The following KIRREL3 variants were observed in gnomAD, a reference collection of about 807,000 sequenced individuals.
KIRREL3 encodes the protein kirre like nephrin family adhesion molecule 3, also known as kin of IRRE-like protein 3.
KIRREL3 carries 36 observed loss-of-function variants against 89.7 expected under a neutral mutation model. That is an observed-to-expected ratio of 0.40 (90% CI 0.31 to 0.53). KIRREL3 has a LOEUF of 0.53. KIRREL3 is among the 20% of genes least tolerant of loss of function. KIRREL3 has a pLI of 0.49. For synonymous variants in KIRREL3, 445 were observed against 441.4 expected, an observed-to-expected ratio of 1.01 and a Z score of -0.10; for missense variants, 864 against 1,056.6, an observed-to-expected ratio of 0.82 and a Z score of 2.53.
At chr11:126,698,504 G>A (rs1947187009) in intron 1 of KIRREL3, among the ~76,000 whole-genome samples, 1 of 152,234 alleles carries the variant, frequency 6.6e-6, no homozygotes, top group Non-Finnish European at 1.5e-5. Context: ...CAGGTCAGGG[G>A]CTGCAGGGAG....
intron 1 of KIRREL3, among the ~76,000 whole-genome samples, chr11:126,631,714 G>A (rs998914218): frequency 6.6e-6 from 1 of 152,182 alleles, no homozygotes; most frequent in Admixed American, 6.5e-5. Context: ...GCACTTTGTA[G>A]CTTTCAAAGC....
chr11:126,684,972 C>T lies in KIRREL3; in HGVS notation c.56-122060G>A, dbSNP rs916085092. 1.3e-5 allele frequency among the ~76,000 whole-genome samples: 2 copies of T among 152,144 alleles called. No homozygotes were observed. Among genetic ancestry groups the T allele is most frequent in the African/African-American group, 4.8e-5 (2 of 41,422 alleles). On this transcript the variant is annotated intron_variant, in intron 1 of 16. Coordinates refer to ENST00000525144, the MANE Select transcript of KIRREL3 (RefSeq NM_032531.4). The surrounding 1 kb of genome is among the most constrained non-coding windows in gnomAD (Gnocchi z 4.2). ...TCCTCTTCTCTCTTCCTCTCTCCCT[C>T]ATTTCTGGCTTCCCTCTTTTTCTCC...
intron 2 of KIRREL3, among the ~76,000 whole-genome samples, chr11:126,548,868 A>G (rs1939029499): frequency 6.6e-6 from 1 of 152,202 alleles, no homozygotes; most frequent in East Asian, 1.9e-4. Context: ...GCAACGAGAT[A>G]GAATACCTGC....
At chr11:126,721,077 G>A (rs1439185267) in intron 1 of KIRREL3, among the ~76,000 whole-genome samples, 1 of 152,252 alleles carries the variant, frequency 6.6e-6, no homozygotes, top group Non-Finnish European at 1.5e-5. Context: ...GAGAGCCAAA[G>A]TGTTTTCTGA....
chr11:126,910,937 T>G (rs1484554336), intron 1 of KIRREL3, among the ~76,000 whole-genome samples: 1 of 152,208 alleles, frequency 6.6e-6, no homozygotes, highest in Non-Finnish European at 1.5e-5. Flanking sequence ...TGAGCAAGAC[T>G]GAAAGACAGA....
intron 1 of KIRREL3, among the ~76,000 whole-genome samples, chr11:126,895,083 A>G (rs1946095463): frequency 6.6e-6 from 1 of 152,098 alleles, no homozygotes; most frequent in African/African-American, 2.4e-5. Context: ...AGGCACAGAG[A>G]TTCTTGGTTC....
chr11:126,849,314 CCTT>C (rs1203786866), intron 1 of KIRREL3, among the ~76,000 whole-genome samples: 1 of 152,152 alleles, frequency 6.6e-6, no homozygotes, highest in East Asian at 1.9e-4. Flanking sequence ...ATAATCCACC[CCTT>C]GTTTAGCACA....
intron 1 of KIRREL3, among the ~76,000 whole-genome samples, chr11:126,961,755 A>G: frequency 6.6e-6 from 1 of 152,258 alleles, no homozygotes; most frequent in East Asian, 1.9e-4. Context: ...GGCACCATCT[A>G]GGTCTCTCAT....
intron 1 of KIRREL3, among the ~76,000 whole-genome samples, chr11:126,971,043 C>T (rs1949414360): frequency 6.6e-6 from 1 of 152,114 alleles, no homozygotes; most frequent in South Asian, 2.1e-4. Flanking sequence ...TTATTGTTCC[C>T]CACTCTCAAC....
At chr11:126,457,675 T>A (rs1306551266) in intron 6 of KIRREL3, among the ~76,000 whole-genome samples, 1 of 149,596 alleles carries the variant, frequency 6.7e-6, no homozygotes, top group Non-Finnish European at 1.5e-5. Flanking sequence ...GAGGGCAGAG[T>A]GATGGAGAGA....
At chr11:126,451,697 T>C (rs984707555) in intron 7 of KIRREL3, among the ~76,000 whole-genome samples, 2 of 151,918 alleles carry the variant, frequency 1.3e-5, no homozygotes, top group African/African-American at 4.8e-5. Context: ...TGTGCACGTG[T>C]GAGTGTGTGC....
rs1470732262 is a variant in KIRREL3, at chr11:126,530,932, G to C, written c.134-4245C>G. Among the ~76,000 whole-genome samples the C allele has an allele frequency of 6.6e-6, 1 of 152,078 alleles. No homozygotes were observed. The stretch of plus-strand genomic sequence containing the variant: ...TGCAACCTTTGCCTCCCGGGTTCAA[G>C]CGATTCTTCTGCCTCAGCCTCTTGA... On this transcript the variant is annotated intron_variant, in intron 2 of 16. Transcript: ENST00000525144. The surrounding 1 kb of genome is among the most constrained non-coding windows in gnomAD (Gnocchi z 5.8).
chr11:126,435,475 G>C (rs1955289783), intron 12 of KIRREL3, among the ~76,000 whole-genome samples, 172 bp from the exon 13 acceptor site: 1 of 151,034 alleles, frequency 6.6e-6, no homozygotes, highest in African/African-American at 2.4e-5. Context: ...GTTCATTCAG[G>C]CTGACTTAGA....
chr11:126,937,369 C>G (rs1289161626), intron 1 of KIRREL3, among the ~76,000 whole-genome samples: 1 of 152,202 alleles, frequency 6.6e-6, no homozygotes, highest in East Asian at 1.9e-4. Context: ...AAAGCACTTA[C>G]AAAGTGCCTT....
rs1278401571 is a variant in KIRREL3, at chr11:126,900,103, T to C, written c.55+100352A>G. 6.6e-6 allele frequency among the ~76,000 whole-genome samples: 1 copy of C among 152,224 alleles called. No individual in the cohort carries two copies. The highest frequency in any genetic ancestry group is 1.5e-5 in the Non-Finnish European group (1 of 68,038). On this transcript the variant is annotated intron_variant, in intron 1 of 16. Coordinates refer to ENST00000525144, the MANE Select transcript of KIRREL3 (RefSeq NM_032531.4). The surrounding 1 kb of genome is among the most constrained non-coding windows in gnomAD (Gnocchi z 4.4). ...CCTCTGCTCTCCAAATCAATTGTTTTGCACAATGGAGACACACTCCTTGGG... is the reference window on the plus strand; with the variant it reads ...CCTCTGCTCTCCAAATCAATTGTTTCGCACAATGGAGACACACTCCTTGGG...
rs1948954438 is a variant in KIRREL3 at position 126,740,750 on chromosome 11, T to A, written c.56-177838A>T. Among the ~76,000 whole-genome samples the A allele has an allele frequency of 6.6e-6, 1 of 152,056 alleles. No homozygotes were observed. Among genetic ancestry groups the A allele is most frequent in the Non-Finnish European group, 1.5e-5 (1 of 68,008 alleles). ...CACAAAAATGGCCTGAAAGATAAAT[T>A]TGTATTTTTGCATTGCTGGGCTAAA... is the stretch of plus-strand genomic sequence containing the variant. On this transcript the variant is annotated intron_variant, in intron 1 of 16. Coordinates refer to ENST00000525144, the MANE Select transcript of KIRREL3 (RefSeq NM_032531.4). The surrounding 1 kb of genome is among the most constrained non-coding windows in gnomAD (Gnocchi z 6.0).
At position 126,715,332 on chromosome 11, in the gene KIRREL3, A is replaced by C. The variant is rs532010579; in HGVS notation, c.56-152420T>G. On this transcript the variant is annotated intron_variant, in intron 1 of 16. Coordinates refer to ENST00000525144, the MANE Select transcript of KIRREL3 (RefSeq NM_032531.4). This position sits in a 1 kb window ranked among gnomAD's most constrained non-coding sequence, Gnocchi z 4.4. Reference sequence around the variant, plus strand: ...TTCCCAAAGATCTCAGTGCACAACCAGGGCTGGTCTGGGACAGTTGCTGTG... The same window carrying C: ...TTCCCAAAGATCTCAGTGCACAACCCGGGCTGGTCTGGGACAGTTGCTGTG... Among the ~76,000 whole-genome samples, 1 of 152,320 alleles carries C rather than the reference A, an allele frequency of 6.6e-6. No individual in the cohort carries two copies. Among genetic ancestry groups the C allele is most frequent in the Admixed American group, 6.5e-5 (1 of 15,300 alleles).
chr11:126,734,023 T>C lies in KIRREL3; in HGVS notation c.56-171111A>G, dbSNP rs938005070. Among the ~76,000 whole-genome samples, 1 of 152,180 alleles carries C rather than the reference T, an allele frequency of 6.6e-6. No homozygotes were observed. Among genetic ancestry groups the C allele is most frequent in the African/African-American group, 2.4e-5 (1 of 41,448 alleles). On this transcript the variant is annotated intron_variant, in intron 1 of 16. Coordinates refer to ENST00000525144, the MANE Select transcript of KIRREL3 (RefSeq NM_032531.4). This position sits in a 1 kb window ranked among gnomAD's most constrained non-coding sequence, Gnocchi z 5.9. ...AAGCAGCCCAGAAGAGGTCAGCGTC[T>C]GCCTCTCAAGGTGTGGGCTGTCAGC... is the stretch of plus-strand genomic sequence containing the variant.
intron 1 of KIRREL3, among the ~76,000 whole-genome samples, chr11:126,922,530 T>C (rs1170712416): frequency 1.3e-5 from 2 of 151,910 alleles, no homozygotes; most frequent in African/African-American, 4.8e-5. Flanking sequence ...GCATGTAACG[T>C]TCCCTCCCAT....
Sources: allele counts gnomAD v4.1 joint callset (sites outside exome capture counted in the v4.1 genomes callset), GRCh38; gene constraint gnomAD v4.1.1; non-coding constraint Gnocchi (gnomAD v3.1); transcripts MANE v1.5; gene names NCBI Gene and HGNC (gene_info 2026-07-23, HGNC 2026-07-21).